Variants in PTPRT observed in about 807,000 individuals in gnomAD.
PTPRT encodes the protein receptor-type tyrosine-protein phosphatase T.
In PTPRT, 56 loss-of-function variants were observed where a neutral mutation model predicts 176.8. The observed-to-expected ratio is 0.32, with a 90% CI of 0.26 to 0.40. The LOEUF (loss-of-function observed/expected upper bound fraction) is 0.40. Ranked by LOEUF, PTPRT falls within the 10% of genes least tolerant of loss-of-function variation. PTPRT has a pLI of 1.00. For missense variants in PTPRT, 1,540 were observed against 1,908.2 expected, an observed-to-expected ratio of 0.81 and a Z score of 3.60; for synonymous variants, 783 against 739.0, an observed-to-expected ratio of 1.06 and a Z score of -0.96.
At chr20:42,355,436 C>T (rs767045928) in intron 9 of PTPRT, among the ~76,000 whole-genome samples, 4 of 152,166 alleles carry the variant, frequency 2.6e-5, no homozygotes, top group Non-Finnish European at 4.4e-5. Flanking sequence ...GAAAAATGCT[C>T]GTGGAGGTAT....
rs139758013 is a variant in PTPRT, at chr20:42,835,782, T to C, written c.215-44316A>G. Among the ~76,000 whole-genome samples the C allele has an allele frequency of 1.3e-4, 20 of 152,180 alleles. 1 individual carries two copies. The highest frequency in any genetic ancestry group is 4.6e-4 in the African/African-American group (19 of 41,510). ...TTTCCTCAATTTTCTATCTTAATAATCAACAGGGAGCAGAATGAGAGAGAT... is the reference window on the plus strand; with the variant it reads ...TTTCCTCAATTTTCTATCTTAATAACCAACAGGGAGCAGAATGAGAGAGAT... On this transcript the variant is annotated intron_variant, in intron 2 of 30. Transcript: ENST00000373187.
chr20:42,392,754 T>A (rs1317548922), intron 9 of PTPRT, among the ~76,000 whole-genome samples: 1 of 152,152 alleles, frequency 6.6e-6, no homozygotes, highest in African/African-American at 2.4e-5. Context: ...GAAGGTGGAA[T>A]TCACATGGAA....
At chr20:42,952,711 C>T (rs1179387905) in intron 1 of PTPRT, among the ~76,000 whole-genome samples, 1 of 152,200 alleles carries the variant, frequency 6.6e-6, no homozygotes, top group Non-Finnish European at 1.5e-5. Flanking sequence ...CCAGTTACCT[C>T]ACTGAGTACA....
chr20:42,788,875 A>G (rs2077332137), intron 3 of PTPRT, among the ~76,000 whole-genome samples: 2 of 152,168 alleles, frequency 1.3e-5, no homozygotes, highest in South Asian at 4.1e-4. Context: ...GAACTCTACT[A>G]GGGGAAATTG....
chr20:42,231,435 T>C (rs970548876), intron 15 of PTPRT, among the ~76,000 whole-genome samples: 7 of 152,216 alleles, frequency 4.6e-5, no homozygotes, highest in African/African-American at 1.7e-4. Context: ...AAATAACATA[T>C]ACTTTGCAGG....
At chr20:42,167,119 T>C (rs1426286734) in intron 16 of PTPRT, among the ~76,000 whole-genome samples, 3 of 152,168 alleles carry the variant, frequency 2.0e-5, no homozygotes, top group African/African-American at 2.4e-5. Flanking sequence ...TTCAAAGAGA[T>C]AGTGCATGCT....
intron 9 of PTPRT, among the ~76,000 whole-genome samples, chr20:42,380,923 G>A (rs552375620): frequency 2.6e-4 from 40 of 152,230 alleles, no homozygotes; most frequent in Non-Finnish European, 4.4e-4. Flanking sequence ...CCATCTGCTC[G>A]GCTTCTGGGG....
chr20:42,036,714 A>C, the PTPRT span, among the ~76,000 whole-genome samples: 3 of 152,206 alleles, frequency 2.0e-5, no homozygotes, highest in South Asian at 6.2e-4. Context: ...TAGAAAGTCC[A>C]AGTGGCTGGT....
At chr20:42,904,823 C>T (rs1237535612) in intron 1 of PTPRT, among the ~76,000 whole-genome samples, 3 of 152,004 alleles carry the variant, frequency 2.0e-5, no homozygotes, top group African/African-American at 2.4e-5. Context: ...GGGAAAGGAT[C>T]CCCTATTTAA....
At chr20:42,681,695 G>A (rs969727042) in intron 6 of PTPRT, among the ~76,000 whole-genome samples, 4 of 152,100 alleles carry the variant, frequency 2.6e-5, no homozygotes, top group South Asian at 2.1e-4. Context: ...GCCTTCACTC[G>A]AGGATTGACA....
chr20:42,503,460 C>T (rs984689021), intron 7 of PTPRT, among the ~76,000 whole-genome samples: 1 of 152,034 alleles, frequency 6.6e-6, no homozygotes, highest in African/African-American at 2.4e-5. Flanking sequence ...TGCTTTCAAA[C>T]TTCCAAATGT....
At chr20:42,566,413 G>A (rs1373487738) in intron 7 of PTPRT, among the ~76,000 whole-genome samples, 1 of 152,220 alleles carries the variant, frequency 6.6e-6, no homozygotes, top group Non-Finnish European at 1.5e-5. Flanking sequence ...TGGGATTACA[G>A]GCACCGCAGC....
intron 8 of PTPRT, among the ~76,000 whole-genome samples, chr20:42,452,014 T>A (rs146245657): frequency 1.3e-5 from 2 of 152,152 alleles, no homozygotes; most frequent in African/African-American, 4.8e-5. Flanking sequence ...CCCACGCCTA[T>A]AATCCCAGCA....
At chr20:42,691,320 G>A (rs1204167270) in intron 6 of PTPRT, among the ~76,000 whole-genome samples, 5 of 152,368 alleles carry the variant, frequency 3.3e-5, no homozygotes, top group Non-Finnish European at 5.9e-5. Flanking sequence ...AGCTTCGTCA[G>A]TTGCTACGCT....
At chr20:43,083,026 C>T (rs977444016) in intron 1 of PTPRT, among the ~76,000 whole-genome samples, 14 of 151,886 alleles carry the variant, frequency 9.2e-5, no homozygotes, top group South Asian at 4.2e-4. Context: ...TAATTTTAGT[C>T]GGTCAGGGAG....
At chr20:42,387,185 C>A (rs959964199) in intron 9 of PTPRT, among the ~76,000 whole-genome samples, 1 of 152,176 alleles carries the variant, frequency 6.6e-6, no homozygotes, top group Non-Finnish European at 1.5e-5. Context: ...ATAAGCGGTA[C>A]CTATAAATAT....
chr20:42,895,842 A>T (rs2145900878), intron 1 of PTPRT, among the ~76,000 whole-genome samples: 1 of 152,334 alleles, frequency 6.6e-6, no homozygotes, highest in Non-Finnish European at 1.5e-5. Flanking sequence ...GGTAGGCTAT[A>T]GCTGGCTGAC....
Position 42,406,663 on chromosome 20 carries a change from C to T in PTPRT, c.1560+41557G>A, listed in dbSNP as rs550023996. The stretch of plus-strand genomic sequence containing the variant: ...CATTTTATATATCCAACATAATTTT[C>T]ATGCCAAAACAGGATACAAATAATG... On this transcript the variant is annotated intron_variant, in intron 9 of 30. Transcript: ENST00000373187. Among the ~76,000 whole-genome samples, 69 of 152,144 alleles carry T rather than the reference C, an allele frequency of 4.5e-4. 1 individual carries two copies. Among genetic ancestry groups the T allele is most frequent in the African/African-American group, 1.6e-3 (65 of 41,520 alleles).
chr20:42,963,108 A>T (rs1028138234), intron 1 of PTPRT, among the ~76,000 whole-genome samples: 7 of 152,272 alleles, frequency 4.6e-5, no homozygotes, highest in Middle Eastern at 3.4e-3. Context: ...GCTGAGCAGG[A>T]GAATGGCGTG....
Sources: allele counts gnomAD v4.1 joint callset (sites outside exome capture counted in the v4.1 genomes callset), GRCh38; gene constraint gnomAD v4.1.1; transcripts MANE v1.5; gene names NCBI Gene and HGNC (gene_info 2026-07-23, HGNC 2026-07-21).